SPTAN1: variants seen among roughly 807,000 people sequenced by gnomAD.
SPTAN1 encodes spectrin alpha, non-erythrocytic 1.
SPTAN1 carries 61 observed loss-of-function variants against 331.3 expected under a neutral mutation model. The ratio of observed to expected loss-of-function variants is 0.18; its 90% CI spans 0.15 to 0.23. The LOEUF (loss-of-function observed/expected upper bound fraction) is 0.23, where lower values mean the gene tolerates loss of function less well. SPTAN1 is among the 10% of genes least tolerant of loss of function. The pLI is 1.00. For missense variants in SPTAN1, 2,043 were observed against 3,147.9 expected (o/e 0.65, Z 8.40); for synonymous variants, 1,153 against 1,173.9 (o/e 0.98, Z 0.36).
Position 128,598,604 on chromosome 9 carries a change from A to T in SPTAN1, c.3519+100A>T, listed in dbSNP as rs953012283. ...CCCAACAAGCAGTGTTTCATAACAC[A>T]GAACTGTGGCTTGGCTGTAGGTCAG... is the stretch of plus-strand genomic sequence containing the variant. On this transcript the variant is annotated intron_variant, in intron 25 of 56. Coordinates refer to ENST00000372739, the MANE Select transcript of SPTAN1 (RefSeq NM_001130438.3). 2.7e-5 allele frequency: 28 copies of T among 1,053,406 alleles called. 1 individual carries two copies. In the Middle Eastern group the frequency reaches 8.2e-4, roughly 31 times the overall value. The allele number at this position is 1,053,406 out of a possible 1,614,324, so 65.3% of individuals were successfully genotyped here. A position where few individuals can be genotyped will look rare whatever the true frequency, so the allele number is the denominator to read the frequency against.
At chr9:128,566,264 C>T (rs1031790853) in intron 1 of SPTAN1, among the ~76,000 whole-genome samples, 7 of 152,104 alleles carry the variant, frequency 4.6e-5, no homozygotes, top group African/African-American at 1.7e-4. Flanking sequence ...CACCTTGTTG[C>T]CCAGCTGCTC....
At chr9:128,622,416 C>T (rs754897168) in intron 45 of SPTAN1, among the ~76,000 whole-genome samples, 35 of 151,148 alleles carry the variant, frequency 2.3e-4, no homozygotes, top group Non-Finnish European at 4.4e-4. Flanking sequence ...GCTTCTGCCT[C>T]AGCCTCCCTA....
intron 3 of SPTAN1, among the ~76,000 whole-genome samples, chr9:128,571,732 G>T (rs1315228948): frequency 6.6e-6 from 1 of 152,206 alleles, no homozygotes; most frequent in Non-Finnish European, 1.5e-5. Flanking sequence ...TCCCTATTAT[G>T]TGAGAGTAGA....
chr9:128,564,412 CCTT>C (rs1849766140), intron 1 of SPTAN1, among the ~76,000 whole-genome samples: 1 of 150,590 alleles, frequency 6.6e-6, no homozygotes, highest in African/African-American at 2.4e-5. Flanking sequence ...GAGCAAGAGT[CCTT>C]CTCAGAAAAA....
intron 44 of SPTAN1, 37 bp from the exon 45 acceptor site, chr9:128,621,121 G>A: frequency 6.3e-7 from 1 of 1,598,544 alleles, no homozygotes; most frequent in Non-Finnish European, 8.6e-7. Context: ...ACACATAGCA[G>A]GCTCTCAATA....
intron 3 of SPTAN1, 85 bp downstream of exon 3, chr9:128,568,982 A>G: frequency 6.3e-7 from 1 of 1,577,864 alleles, no homozygotes. Flanking sequence ...TTGGGTTCCC[A>G]AAAAGATAGA....
intron 1 of SPTAN1, among the ~76,000 whole-genome samples, chr9:128,565,064 G>A (rs931260718): frequency 4.6e-5 from 7 of 152,204 alleles, no homozygotes; most frequent in African/African-American, 1.7e-4. Context: ...CAGCCCTTTG[G>A]GAGGCTGAGG....
Position 128,612,144 on chromosome 9 carries a change from C to G in SPTAN1, c.4941C>G (p.Phe1647Leu), listed in dbSNP as rs748646482. 1 of 1,614,152 alleles carries G rather than the reference C, an allele frequency of 6.2e-7. No individual in the cohort carries two copies. The highest frequency in any genetic ancestry group is 1.1e-5 in the South Asian group (1 of 91,084). The change falls in exon 39 of 57, where the codon TTC becomes TTG. Residue 1647 changes from phenylalanine (F) to leucine (L), a missense_variant. Around this residue, in one of 12 missense-constraint regions of SPTAN1, gnomAD observed 323 missense variants for 581.1 expected, o/e 0.56. Coordinates refer to ENST00000372739, the MANE Select transcript of SPTAN1 (RefSeq NM_001130438.3). ...CTGCCTTAGCTGACCAGTGGCAGTT[C>G]TTGGTGCAAAAGTCAGCGGAAAAGA... ...RLAALADQWQ[F>L]LVQKSAEKSQ... is the part of the protein sequence containing the mutation.
chr9:128,585,831 C>A lies in SPTAN1; in HGVS notation c.2644C>A (p.Arg882Ser). The change falls in exon 19 of 57, where the codon CGT becomes AGT. Residue 882 changes from arginine (R) to serine (S), a missense_variant. By Grantham distance (110) the Arg-to-Ser change is moderately radical. This residue lies in a region of SPTAN1 where 1,038 missense variants were observed against 1,531.5 expected (regional missense o/e 0.68). Coordinates refer to ENST00000372739, the MANE Select transcript of SPTAN1 (RefSeq NM_001130438.3). ...WEALKAKASQ[R>S]RQDLEDSLQA... The stretch of plus-strand genomic sequence containing the variant: ...GGCACTGAAAGCCAAAGCTTCCCAG[C>A]GTCGGCAGGACCTGGAGGACTCTCT... The A allele has an allele frequency of 6.2e-7, 1 of 1,614,166 alleles. No homozygotes were observed. Among genetic ancestry groups the A allele is most frequent in the Non-Finnish European group, 8.5e-7 (1 of 1,180,020 alleles).
At chr9:128,561,942 G>A (rs1589132230) in intron 1 of SPTAN1, among the ~76,000 whole-genome samples, 1 of 152,126 alleles carries the variant, frequency 6.6e-6, no homozygotes. Flanking sequence ...GTCTTCTTTA[G>A]AGTTCCTTAA....
chr9:128,581,936 A>G (rs181165486), intron 12 of SPTAN1, 44 bp downstream of exon 12: 95 of 1,383,022 alleles, frequency 6.9e-5, no homozygotes, highest in Middle Eastern at 5.3e-4. Context: ...CCCTTATAGT[A>G]AGCCAGAGTC....
chr9:128,623,224 TTTC>T (rs1858171003), intron 45 of SPTAN1, among the ~76,000 whole-genome samples: 2 of 151,070 alleles, frequency 1.3e-5, no homozygotes, highest in South Asian at 4.2e-4. Context: ...ACCTGGCTAA[TTTC>T]TTTCTTTTTT....
intron 3 of SPTAN1, 35 bp from the exon 4 acceptor site, chr9:128,574,640 G>A (rs1169573623): frequency 1.9e-6 from 3 of 1,613,872 alleles, no homozygotes; most frequent in Non-Finnish European, 2.5e-6. Flanking sequence ...AGAGCCAGTT[G>A]TGATCTGATT....
At chr9:128,601,046 C>T (rs542845652) in intron 27 of SPTAN1, among the ~76,000 whole-genome samples, 3 of 124,040 alleles carry the variant, frequency 2.4e-5, no homozygotes, top group South Asian at 5.7e-4. Context: ...TGCAGTGGCA[C>T]GATCTCAGCT....
chr9:128,574,802 G>A lies in SPTAN1; in HGVS notation c.491G>A (p.Trp164Ter), dbSNP rs1459750245. 6.2e-7 allele frequency: 1 copy of A among 1,613,920 alleles called. No individual in the cohort carries two copies. The highest frequency in any genetic ancestry group is 8.5e-7 in the Non-Finnish European group (1 of 1,179,928). The change falls in exon 4 of 57, where the codon TGG becomes TAG. Residue 164 changes from tryptophan (W) to a stop codon, truncating the protein, a stop_gained. Coordinates refer to ENST00000372739, the MANE Select transcript of SPTAN1 (RefSeq NM_001130438.3). LOFTEE classifies it high-confidence loss of function. ...YLRECEDVMD[W>*]INDKEAIVTS... ...CGAGAATGTGAGGACGTGATGGACT[G>A]GATCAATGACAAGGCACGTTTTGGG...
chr9:128,611,895 C>T (rs892898165), intron 38 of SPTAN1, 50 bp downstream of exon 38: 10 of 1,613,238 alleles, frequency 6.2e-6, no homozygotes, highest in Middle Eastern at 1.6e-4. Context: ...ACCACCGTCA[C>T]TGTCAACCTG....
rs751337586 is a variant in SPTAN1 at position 128,626,514 on chromosome 9, C to T, written c.6403C>T (p.Arg2135Cys). 12 of 1,614,144 alleles carry T rather than the reference C, an allele frequency of 7.4e-6. No homozygotes were observed. Among genetic ancestry groups the T allele is most frequent in the East Asian group, 4.5e-5 (2 of 44,868 alleles). The change falls in exon 49 of 57, where the codon CGC becomes TGC. Residue 2135 changes from arginine (R) to cysteine (C), a missense_variant. Coordinates refer to ENST00000372739, the MANE Select transcript of SPTAN1 (RefSeq NM_001130438.3). ...CTCCTTGGAAGAAATCAAAGCTTTGCGCGAGGCCCACGACGCCTTCCGCTC... is the reference window on the plus strand; with the variant it reads ...CTCCTTGGAAGAAATCAAAGCTTTGTGCGAGGCCCACGACGCCTTCCGCTC... Reference protein sequence around the residue: ...CNSLEEIKALREAHDAFRSSL... With the variant: ...CNSLEEIKALCEAHDAFRSSL...
In SPTAN1 at chr9:128,608,419, T is replaced by G. The variant is rs932121253; in HGVS notation, c.4491+143T>G. On this transcript the variant is annotated intron_variant, in intron 34 of 56. Coordinates refer to ENST00000372739, the MANE Select transcript of SPTAN1 (RefSeq NM_001130438.3). Reference sequence around the variant, plus strand: ...TGTACATAAATAATCTTTAAAACTTTATAGATTCTGGTATTTCTGAGATTT... The same window carrying G: ...TGTACATAAATAATCTTTAAAACTTGATAGATTCTGGTATTTCTGAGATTT... 4.6e-6 allele frequency: 5 copies of G among 1,094,048 alleles called. No homozygotes were observed. The East Asian group carries it at 1.3e-4, about 28-fold the overall frequency. 67.8% of individuals were successfully genotyped at this position (1,094,048 alleles called of 1,614,324 possible).
intron 1 of SPTAN1, among the ~76,000 whole-genome samples, chr9:128,559,287 A>G (rs1849008148): frequency 6.6e-6 from 1 of 152,182 alleles, no homozygotes; most frequent in Non-Finnish European, 1.5e-5. Flanking sequence ...GCCTTGCTGA[A>G]CTGTCTCTCT....
Sources: gnomAD v4.1 joint callset for allele counts (sites outside exome capture counted in the v4.1 genomes callset) on GRCh38, gnomAD v4.1.1 for gene constraint, gnomAD v4.1.1 regional missense constraint, MANE v1.5 for transcripts, NCBI Gene and HGNC (gene_info 2026-07-23, HGNC 2026-07-21) for gene names.